RBFOX1: variants seen among roughly 807,000 people sequenced by gnomAD.
RBFOX1 encodes RNA binding fox-1 homolog 1, also known as RNA binding protein fox-1 homolog 1.
In RBFOX1, 8 loss-of-function variants were observed where a neutral mutation model predicts 57.7. The observed-to-expected ratio is 0.14, with a 90% CI of 0.08 to 0.25. The LOEUF (loss-of-function observed/expected upper bound fraction) is 0.25, where lower values mean the gene tolerates loss of function less well. Ranked by LOEUF, RBFOX1 falls within the 10% of genes least tolerant of loss-of-function variation. The probability of loss-of-function intolerance (pLI) is 1.00; values close to 1 mark genes in which losing one functional copy is unlikely to be tolerated. For synonymous variants in RBFOX1, 326 were observed against 222.4 expected (o/e 1.47, Z -4.15); for missense variants, 611 against 548.5 (o/e 1.11, Z -1.14).
At chr16:5,478,113 C>A (rs906939042) in intron 2 of RBFOX1, among the ~76,000 whole-genome samples, 47 of 152,164 alleles carry the variant, frequency 3.1e-4, no homozygotes, top group African/African-American at 1.1e-3. Flanking sequence ...AGGGAAGCAG[C>A]CAAACATTCC....
At chr16:7,059,564 G>T (rs2053598573) in intron 4 of RBFOX1, among the ~76,000 whole-genome samples, 1 of 152,174 alleles carries the variant, frequency 6.6e-6, no homozygotes, top group African/African-American at 2.4e-5. Context: ...TGTTCAATGT[G>T]AAACTGATGA....
At chr16:7,284,800 G>A (rs1290739199) in intron 4 of RBFOX1, among the ~76,000 whole-genome samples, 5 of 152,166 alleles carry the variant, frequency 3.3e-5, no homozygotes, top group African/African-American at 1.2e-4. Context: ...ACAAGTTCAG[G>A]GCAGTCACTG....
chr16:6,973,220 T>C (rs1325045385), intron 3 of RBFOX1, among the ~76,000 whole-genome samples: 1 of 151,994 alleles, frequency 6.6e-6, no homozygotes, highest in East Asian at 1.9e-4. Context: ...TTGGAGGATA[T>C]CAGGGGTTCT....
chr16:7,033,486 G>T (rs1244728733), intron 3 of RBFOX1, among the ~76,000 whole-genome samples: 2 of 152,162 alleles, frequency 1.3e-5, no homozygotes, highest in African/African-American at 4.8e-5. Context: ...CGCCACTGCA[G>T]TCCAGCCTAG....
intron 4 of RBFOX1, among the ~76,000 whole-genome samples, chr16:5,905,644 G>T (rs1240766423): frequency 6.6e-6 from 1 of 152,130 alleles, no homozygotes; most frequent in Non-Finnish European, 1.5e-5. Context: ...GCAGTACGCT[G>T]TGAACATACC....
At chr16:7,672,819 A>G (rs1451386318) in intron 13 of RBFOX1, among the ~76,000 whole-genome samples, 2 of 121,400 alleles carry the variant, frequency 1.6e-5, no homozygotes, top group East Asian at 5.8e-4. Flanking sequence ...GTGAGCCGAG[A>G]TTGCGCCATT....
At chr16:5,961,840 C>T (rs150800101) in intron 4 of RBFOX1, among the ~76,000 whole-genome samples, 1 of 152,294 alleles carries the variant, frequency 6.6e-6, no homozygotes, top group Admixed American at 6.5e-5. Context: ...CCCTTGTTCT[C>T]TAACCTCCTT....
chr16:6,739,519 C>T (rs1306385174), intron 3 of RBFOX1, among the ~76,000 whole-genome samples: 1 of 137,914 alleles, frequency 7.3e-6, no homozygotes, highest in African/African-American at 2.6e-5. Flanking sequence ...TAAATGGTTT[C>T]ACTGGAGAAT....
intron 3 of RBFOX1, among the ~76,000 whole-genome samples, chr16:5,820,381 C>T (rs2055801555): frequency 6.6e-6 from 1 of 152,100 alleles, no homozygotes; most frequent in African/African-American, 2.4e-5. Context: ...GAACAGATGA[C>T]ATTGGAGAAG....
At chr16:6,483,650 T>C in intron 2 of RBFOX1, 2 of 1,121,220 alleles carry the variant, frequency 1.8e-6, no homozygotes, top group Admixed American at 3.1e-5. Flanking sequence ...AGAGGCTTCC[T>C]GAAGCCCACT....
At chr16:7,212,787 T>G (rs980149885) in intron 4 of RBFOX1, among the ~76,000 whole-genome samples, 1 of 152,332 alleles carries the variant, frequency 6.6e-6, no homozygotes, top group East Asian at 1.9e-4. Context: ...TGTATACCTA[T>G]GTAACAAACC....
intron 1 of RBFOX1, among the ~76,000 whole-genome samples, chr16:5,389,643 A>G (rs2066350262): frequency 6.7e-6 from 1 of 149,396 alleles, no homozygotes; most frequent in African/African-American, 2.5e-5. Flanking sequence ...CTCTCTTTCC[A>G]TCCTTTTTTG....
intron 2 of RBFOX1, among the ~76,000 whole-genome samples, chr16:5,526,722 C>G (rs930364277): frequency 6.6e-6 from 1 of 152,300 alleles, no homozygotes; most frequent in South Asian, 2.1e-4. Context: ...TGCTGTGCCC[C>G]TCTCCCCCAG....
intron 11 of RBFOX1, among the ~76,000 whole-genome samples, chr16:7,648,821 T>G (rs1490622309): frequency 6.6e-6 from 1 of 152,126 alleles, no homozygotes; most frequent in East Asian, 1.9e-4. Flanking sequence ...CGAGGAGAAT[T>G]TAAATGAATT....
At chr16:6,394,853 C>T (rs1472053012) in intron 2 of RBFOX1, among the ~76,000 whole-genome samples, 1 of 152,148 alleles carries the variant, frequency 6.6e-6, no homozygotes, top group Non-Finnish European at 1.5e-5. Context: ...GAGAAACTAA[C>T]TGTTTAAAAA....
intron 4 of RBFOX1, among the ~76,000 whole-genome samples, chr16:7,133,640 A>G (rs1479444836): frequency 6.6e-6 from 1 of 152,232 alleles, no homozygotes; most frequent in African/African-American, 2.4e-5. Flanking sequence ...GTAACCTTGT[A>G]GAGCTTTTCT....
intron 11 of RBFOX1, among the ~76,000 whole-genome samples, chr16:7,635,424 A>G (rs1395496399): frequency 1.3e-5 from 2 of 152,212 alleles, no homozygotes; most frequent in East Asian, 3.9e-4. Context: ...AAGTGTGCAA[A>G]TAAACATACA....
intron 4 of RBFOX1, among the ~76,000 whole-genome samples, chr16:6,001,224 G>A (rs1176899967): frequency 6.6e-6 from 1 of 152,210 alleles, no homozygotes; most frequent in Non-Finnish European, 1.5e-5. Flanking sequence ...TTAGCCTGGA[G>A]CTCTCCAGTG....
chr16:5,323,509 T>G (rs927045447), intron 1 of RBFOX1, among the ~76,000 whole-genome samples: 5 of 152,250 alleles, frequency 3.3e-5, no homozygotes, highest in Non-Finnish European at 5.9e-5. Context: ...CGGCCTTGCC[T>G]CATTGTCTCT....
Sources: allele counts gnomAD v4.1 joint callset (sites outside exome capture counted in the v4.1 genomes callset), GRCh38; gene constraint gnomAD v4.1.1; transcripts MANE v1.5; gene names NCBI Gene and HGNC (gene_info 2026-07-23, HGNC 2026-07-21).